Variants in SLCO6A1 observed in about 807,000 individuals in gnomAD.
The protein encoded by SLCO6A1 is cancer/testis antigen 48.
Under a neutral mutation model 72.7 loss-of-function variants are expected in SLCO6A1, and 65 were observed. The observed-to-expected ratio is 0.89, with a 90% confidence interval of 0.73 to 1.10. The LOEUF is 1.10. Among genes scored for constraint, SLCO6A1 ranks in the 50% least tolerant of loss-of-function variants. SLCO6A1 has a pLI of 0.00. For missense variants in SLCO6A1, 874 were observed against 872.6 expected (o/e 1.00, Z -0.02); for synonymous variants, 314 against 298.2 (o/e 1.05, Z -0.55).
At chr5:102,463,319 G>A (rs1013030109) in intron 4 of SLCO6A1, among the ~76,000 whole-genome samples, 1 of 152,180 alleles carries the variant, frequency 6.6e-6, no homozygotes. Flanking sequence ...TACACTGCTG[G>A]TGGAAATGTA....
intron 13 of SLCO6A1, among the ~76,000 whole-genome samples, chr5:102,372,706 C>CA (rs1285386938): frequency 1.4e-4 from 20 of 148,116 alleles, no homozygotes; most frequent in Middle Eastern, 7.0e-3. Flanking sequence ...AAAAAGGTAA[C>CA]AAAAAACAGG....
At chr5:102,394,782 A>G (rs145168366) in intron 10 of SLCO6A1, among the ~76,000 whole-genome samples, 2 of 152,254 alleles carry the variant, frequency 1.3e-5, no homozygotes, top group African/African-American at 4.8e-5. Flanking sequence ...ATACATTTAT[A>G]GTTACTTGTA....
At position 102,477,861 on chromosome 5, in the gene SLCO6A1, T is replaced by C. The variant is rs770944169; in HGVS notation, c.617A>G (p.Asp206Gly). The change falls in exon 3 of 14, where the codon GAT (aspartate) becomes GGT (glycine). Residue 206 changes from aspartate (D) to glycine (G), a missense_variant and splice_region_variant. Physicochemically the swap from Asp to Gly is moderately conservative, Grantham distance 94. Coordinates refer to ENST00000506729, the MANE Select transcript of SLCO6A1 (RefSeq NM_173488.5). ...GACAACCTTTATTTCTTCGCAAATA[T>C]CTTTTGAAAATACAATGATTATATT... ...ENKQSKVGIEDICEEIKVVSG... is the reference protein window; with the variant it reads ...ENKQSKVGIEGICEEIKVVSG... 6.3e-7 allele frequency: 1 copy of C among 1,592,984 alleles called. No individual in the cohort carries two copies. Among genetic ancestry groups the C allele is most frequent in the South Asian group, 1.1e-5 (1 of 88,034 alleles).
At chr5:102,393,761 G>A (rs1746903705) in intron 10 of SLCO6A1, among the ~76,000 whole-genome samples, 1 of 151,816 alleles carries the variant, frequency 6.6e-6, no homozygotes, top group Non-Finnish European at 1.5e-5. Flanking sequence ...AATCCACAGT[G>A]ACTACCACAA....
Position 102,470,080 on chromosome 5 carries a change from C to T in SLCO6A1, c.899+5617G>A, listed in dbSNP as rs554538806. Among the ~76,000 whole-genome samples, 25 of 152,024 alleles carry T rather than the reference C, an allele frequency of 1.6e-4. No individual in the cohort carries two copies. In the East Asian group the frequency reaches 1.7e-3, roughly 11 times the overall value. Reference sequence around the variant, plus strand: ...TTGCCAGTATTTTATTGAGGATTTTCGCATCGATGTTCATCAGGGATATTG... The same window carrying T: ...TTGCCAGTATTTTATTGAGGATTTTTGCATCGATGTTCATCAGGGATATTG... On this transcript the variant is annotated intron_variant, in intron 4 of 13. Coordinates refer to ENST00000506729, the MANE Select transcript of SLCO6A1 (RefSeq NM_173488.5).
At chr5:102,464,609 A>G (rs62371013) in intron 4 of SLCO6A1, among the ~76,000 whole-genome samples, 32,562 of 152,104 alleles carry the variant, frequency 0.21, 4,562 homozygotes, top group Non-Finnish European at 0.28. Flanking sequence ...AGCCATTACC[A>G]CCTGAAAAGG....
chr5:102,429,686 A>G (rs559563663), intron 7 of SLCO6A1, among the ~76,000 whole-genome samples: 1 of 152,232 alleles, frequency 6.6e-6, no homozygotes, highest in Non-Finnish European at 1.5e-5. Flanking sequence ...TACCAGTATG[A>G]TGCTGTTTTG....
In SLCO6A1 at chr5:102,390,907, C is replaced by T. The variant is rs1746718579; in HGVS notation, c.1879+74G>A. 5 of 1,214,002 alleles carry T rather than the reference C, an allele frequency of 4.1e-6. No individual in the cohort carries two copies. The East Asian group carries it at 7.1e-5, about 17-fold the overall frequency. The allele number at this position is 1,214,002 out of a possible 1,614,324, so 75.2% of individuals were successfully genotyped here. On this transcript the variant is annotated intron_variant, in intron 11 of 13. Coordinates refer to ENST00000506729, the MANE Select transcript of SLCO6A1 (RefSeq NM_173488.5). ...CATTTACTATTATTTATTTGTAATA[C>T]TAAATACACATGTAGACATATATAC... is the stretch of plus-strand genomic sequence containing the variant.
chr5:102,459,835 C>G, intron 4 of SLCO6A1, 58 bp from the exon 5 acceptor site: 7 of 1,426,798 alleles, frequency 4.9e-6, no homozygotes, highest in Non-Finnish European at 6.6e-6. Context: ...TACAACAAAA[C>G]CATAATCAAA....
At chr5:102,396,474 G>A (rs1186674651) in intron 10 of SLCO6A1, among the ~76,000 whole-genome samples, 1 of 152,060 alleles carries the variant, frequency 6.6e-6, no homozygotes, top group African/African-American at 2.4e-5. Context: ...TTTTCCATAA[G>A]AACTTTAGAA....
intron 6 of SLCO6A1, among the ~76,000 whole-genome samples, chr5:102,450,280 A>G (rs1750345326): frequency 6.6e-6 from 1 of 152,162 alleles, no homozygotes; most frequent in African/African-American, 2.4e-5. Context: ...CCATGGTGTA[A>G]TTTGACTAGA....
intron 12 of SLCO6A1, among the ~76,000 whole-genome samples, chr5:102,382,099 T>C (rs1449616689): frequency 1.3e-5 from 2 of 151,728 alleles, no homozygotes; most frequent in Non-Finnish European, 3.0e-5. Context: ...TTGTCTATTT[T>C]TGCTTTTGTT....
intron 9 of SLCO6A1, among the ~76,000 whole-genome samples, chr5:102,402,489 C>T (rs1747453777): frequency 6.6e-6 from 1 of 152,128 alleles, no homozygotes; most frequent in East Asian, 1.9e-4. Context: ...TCTTAGCTCA[C>T]TTTGTGTTGC....
chr5:102,385,380 T>C lies in SLCO6A1; in HGVS notation c.2017+3308A>G, dbSNP rs148893144. ...TGGGAAACTTTCTGTCATTATTTCT[T>C]TAAATAAGCTTTCTACCCCTTTATC... On this transcript the variant is annotated intron_variant, in intron 12 of 13. Coordinates refer to ENST00000506729, the MANE Select transcript of SLCO6A1 (RefSeq NM_173488.5). 9.8e-5 allele frequency among the ~76,000 whole-genome samples: 15 copies of C among 152,314 alleles called. No individual in the cohort carries two copies. The East Asian group carries it at 2.5e-3, about 25-fold the overall frequency.
chr5:102,395,385 G>A (rs1292218148), intron 10 of SLCO6A1, among the ~76,000 whole-genome samples: 1 of 151,988 alleles, frequency 6.6e-6, no homozygotes, highest in Non-Finnish European at 1.5e-5. Context: ...CTTTTTTATG[G>A]CTGCATAGTA....
At chr5:102,396,815 G>A (rs528466901) in intron 10 of SLCO6A1, among the ~76,000 whole-genome samples, 1 of 152,230 alleles carries the variant, frequency 6.6e-6, no homozygotes, top group African/African-American at 2.4e-5. Flanking sequence ...TACACCTTCT[G>A]GCTGGTGGGT....
chr5:102,447,495 T>C (rs1193676786), intron 6 of SLCO6A1, among the ~76,000 whole-genome samples: 2 of 152,214 alleles, frequency 1.3e-5, no homozygotes, highest in Admixed American at 6.5e-5. Flanking sequence ...ATCTGTCTCA[T>C]GCAGAGTCTT....
At chr5:102,475,058 C>T (rs1048699120) in intron 4 of SLCO6A1, among the ~76,000 whole-genome samples, 3 of 151,928 alleles carry the variant, frequency 2.0e-5, no homozygotes, top group Admixed American at 6.6e-5. Context: ...ATAGACTTAC[C>T]ATATGATCTA....
intron 12 of SLCO6A1, among the ~76,000 whole-genome samples, chr5:102,385,004 G>A (rs1026407298): frequency 6.6e-6 from 1 of 152,152 alleles, no homozygotes; most frequent in East Asian, 1.9e-4. Flanking sequence ...TTGTAAGTCA[G>A]GTCTAGTGGT....
Sources: gnomAD v4.1 joint callset for allele counts (sites outside exome capture counted in the v4.1 genomes callset) on GRCh38, gnomAD v4.1.1 for gene constraint, MANE v1.5 for transcripts, NCBI Gene and HGNC (gene_info 2026-07-23, HGNC 2026-07-21) for gene names.